Variants in SLIT3 observed in about 807,000 individuals in gnomAD.
SLIT3 encodes the protein slit homolog 3 protein.
A neutral mutation model predicts 184.0 loss-of-function variants in SLIT3; 68 were observed. That is an observed-to-expected ratio of 0.37 (90% confidence interval 0.30 to 0.45). The LOEUF (loss-of-function observed/expected upper bound fraction) is 0.45. Among genes scored for constraint, SLIT3 ranks in the 20% least tolerant of loss-of-function variants. The probability of loss-of-function intolerance (pLI) is 1.00; values close to 1 mark genes in which losing one functional copy is unlikely to be tolerated. For missense variants in SLIT3, 1,707 were observed against 2,026.0 expected, an observed-to-expected ratio of 0.84 and a Z score of 3.02; for synonymous variants, 831 against 828.6, an observed-to-expected ratio of 1.00 and a Z score of -0.05.
chr5:169,011,364 G>A (rs1756144424), intron 4 of SLIT3, among the ~76,000 whole-genome samples: 1 of 152,172 alleles, frequency 6.6e-6, no homozygotes, highest in Non-Finnish European at 1.5e-5. Context: ...CACTGCTTGT[G>A]GCTTCTAGGC....
chr5:169,135,984 C>T (rs974210195), intron 4 of SLIT3, among the ~76,000 whole-genome samples: 3 of 152,206 alleles, frequency 2.0e-5, no homozygotes, highest in Admixed American at 6.5e-5. Context: ...ATCACGGACA[C>T]GGATACACAA....
chr5:168,929,301 T>C (rs553899507), intron 4 of SLIT3, among the ~76,000 whole-genome samples: 4 of 152,246 alleles, frequency 2.6e-5, no homozygotes, highest in Non-Finnish European at 5.9e-5. Context: ...GCTGTTATAA[T>C]GGAGATAGCT....
intron 4 of SLIT3, among the ~76,000 whole-genome samples, chr5:169,079,931 A>C (rs1758950433): frequency 6.8e-6 from 1 of 146,770 alleles, no homozygotes; most frequent in Non-Finnish European, 1.5e-5. Context: ...GGAATGGCAA[A>C]GGGAAGAGAG....
At chr5:169,278,221 C>T (rs535651114) in intron 1 of SLIT3, among the ~76,000 whole-genome samples, 8 of 152,184 alleles carry the variant, frequency 5.3e-5, no homozygotes, top group Non-Finnish European at 1.0e-4. Context: ...AAATAGGGGG[C>T]TTTCCTCCAG....
chr5:169,145,967 C>A (rs187926756), intron 4 of SLIT3, among the ~76,000 whole-genome samples: 1 of 152,286 alleles, frequency 6.6e-6, no homozygotes, highest in Non-Finnish European at 1.5e-5. Context: ...AGGAGAATCA[C>A]TTAAACCCAG....
rs1761536930 is a variant in SLIT3, at chr5:168,918,990, TA to T, written c.414-35655del. On this transcript the variant is annotated intron_variant, in intron 4 of 35. Coordinates refer to ENST00000519560, the MANE Select transcript of SLIT3 (RefSeq NM_003062.4). ...TTTTATCCTATAGATATACTAGTAG[TA>T]ATGTGCAAAATACACATAGGATACT... is the stretch of plus-strand genomic sequence containing the variant. Among the ~76,000 whole-genome samples, 5 of 152,128 alleles carry T rather than the reference TA, an allele frequency of 3.3e-5. No homozygotes were observed. In the South Asian group the frequency reaches 1.0e-3, roughly 31 times the overall value.
intron 12 of SLIT3, among the ~76,000 whole-genome samples, chr5:168,775,418 G>C (rs1260283098): frequency 6.6e-6 from 1 of 152,060 alleles, no homozygotes; most frequent in Non-Finnish European, 1.5e-5. Flanking sequence ...TTTCAGCAGG[G>C]CTGCCTTCTT....
At chr5:168,954,272 A>C (rs1762751411) in intron 4 of SLIT3, among the ~76,000 whole-genome samples, 1 of 152,172 alleles carries the variant, frequency 6.6e-6, no homozygotes, top group South Asian at 2.1e-4. Flanking sequence ...GGGAGCACAG[A>C]TAATGGACAC....
intron 4 of SLIT3, among the ~76,000 whole-genome samples, chr5:168,906,812 T>C (rs1247608349): frequency 6.6e-6 from 1 of 152,162 alleles, no homozygotes; most frequent in Admixed American, 6.5e-5. Flanking sequence ...GAAGTGCCCT[T>C]TGTCCTTGGG....
intron 4 of SLIT3, among the ~76,000 whole-genome samples, chr5:169,053,558 T>C (rs1182552610): frequency 6.6e-6 from 1 of 152,188 alleles, no homozygotes. Flanking sequence ...TTTCAATGAA[T>C]AGTTTCACCC....
chr5:169,003,667 C>T (rs977315674), intron 4 of SLIT3, among the ~76,000 whole-genome samples: 5 of 152,160 alleles, frequency 3.3e-5, no homozygotes. Flanking sequence ...CTGCAATTGC[C>T]CTGTCAAATC....
intron 4 of SLIT3, among the ~76,000 whole-genome samples, chr5:169,003,681 T>C (rs17070704): frequency 0.016 from 2,473 of 152,268 alleles, 32 homozygotes; most frequent in East Asian, 0.029. Flanking sequence ...TCAAATCAAT[T>C]TGGGAGACTA....
rs117153468 is a variant in SLIT3 at position 168,929,147 on chromosome 5, T to C, written c.414-45811A>G. On this transcript the variant is annotated intron_variant, in intron 4 of 35. Coordinates refer to ENST00000519560, the MANE Select transcript of SLIT3 (RefSeq NM_003062.4). ...TCACAGATGGGGAAACCAAGGCTAG[T>C]AGAGCTTGGGTCACCTGCTCAGGGT... 3.0e-4 allele frequency among the ~76,000 whole-genome samples: 46 copies of C among 152,302 alleles called. No individual in the cohort carries two copies. The East Asian group carries it at 8.5e-3, about 28-fold the overall frequency.
At chr5:168,689,544 A>T (rs1018984687) in intron 29 of SLIT3, among the ~76,000 whole-genome samples, 1 of 152,230 alleles carries the variant, frequency 6.6e-6, no homozygotes, top group Admixed American at 6.5e-5. Flanking sequence ...ATGAGTTTCT[A>T]CGTTCTAAGA....
At chr5:168,710,743 T>G in intron 25 of SLIT3, 152 bp downstream of exon 25, 1 of 587,150 alleles carries the variant, frequency 1.7e-6, no homozygotes. Flanking sequence ...CACATCAGCG[T>G]CAGCATCTGA....
intron 3 of SLIT3, among the ~76,000 whole-genome samples, chr5:169,217,132 A>T (rs984048988): frequency 6.4e-5 from 2 of 31,068 alleles, no homozygotes; most frequent in African/African-American, 2.6e-4. Context: ...GAGTAGGTTA[A>T]AAAAAAAAAA....
intron 8 of SLIT3, among the ~76,000 whole-genome samples, chr5:168,809,307 A>C (rs1757087955): frequency 6.6e-6 from 1 of 152,194 alleles, no homozygotes; most frequent in African/African-American, 2.4e-5. Context: ...CTGTCAAGGC[A>C]AAAGAAGTCT....
intron 12 of SLIT3, among the ~76,000 whole-genome samples, chr5:168,777,107 C>CACACACA (rs1755788795): frequency 1.4e-3 from 17 of 12,194 alleles, no homozygotes; most frequent in Middle Eastern, 0.1. Flanking sequence ...ACACACACAC[C>CACACACA]CCCCATACCA....
intron 3 of SLIT3, among the ~76,000 whole-genome samples, chr5:169,207,362 CACAT>C (rs765067770): frequency 6.6e-4 from 88 of 133,544 alleles, no homozygotes; most frequent in Middle Eastern, 3.7e-3. Context: ...GTTTTACATA[CACAT>C]ACATACACAC....
Sources: gnomAD v4.1 joint callset for allele counts (sites outside exome capture counted in the v4.1 genomes callset) on GRCh38, gnomAD v4.1.1 for gene constraint, MANE v1.5 for transcripts, NCBI Gene and HGNC (gene_info 2026-07-23, HGNC 2026-07-21) for gene names.